Variants in SSH1 observed in about 807,000 individuals in gnomAD.
SSH1 encodes slingshot protein phosphatase 1.
Under a neutral mutation model 79.7 loss-of-function variants are expected in SSH1, and 43 were observed. That is an observed-to-expected ratio of 0.54 (90% CI 0.42 to 0.70). The LOEUF (loss-of-function observed/expected upper bound fraction) is 0.70, where lower values mean the gene tolerates loss of function less well. Among genes scored for constraint, SSH1 ranks in the 30% least tolerant of loss-of-function variants. The pLI is 0.00. For synonymous variants in SSH1, 599 were observed against 538.3 expected (o/e 1.11, Z -1.56); for missense variants, 1,206 against 1,358.8 (o/e 0.89, Z 1.77).
At position 108,800,833 on chromosome 12, in the gene SSH1, G is replaced by A. The variant is rs201438743; in HGVS notation, c.1095C>T (p.Thr365=). ...YHNIRVYDEE[T]TDLLAHWNEA... ...CATTCCAGTGGGCGAGGAGGTCTGT[G>A]GTCTCTTCATCGTAGACTCGGATGT... The change falls in exon 12 of 15, where the codon ACC becomes ACT. Residue 365 remains threonine (T), a synonymous_variant. Transcript: ENST00000326495. The A allele has an allele frequency of 6.6e-5, 106 of 1,614,134 alleles. No individual in the cohort carries two copies. The highest frequency in any genetic ancestry group is 8.6e-5 in the Non-Finnish European group (101 of 1,180,016).
intron 1 of SSH1, chr12:108,853,032 A>C (rs1229152830): frequency 9.6e-5 from 95 of 985,164 alleles, no homozygotes; most frequent in Non-Finnish European, 1.1e-4. Flanking sequence ...TTTCTCTTTT[A>C]AGGGGAGGGG....
Position 108,823,354 on chromosome 12 carries a change from C to A in SSH1, c.118G>T (p.Glu40Ter). The A allele has an allele frequency of 1.3e-6, 2 of 1,567,818 alleles. No individual in the cohort carries two copies. The highest frequency in any genetic ancestry group is 2.3e-5 in the East Asian group (1 of 43,388). ...EDRKLNLSLS[E>*]SFFMVKGAAL... is the part of the protein sequence containing the mutation. ...GCGCCTTTCACCATGAAAAAGCTCT[C>A]ACTTAAGCTGGGAAGGATAAGACCA... The change falls in exon 3 of 15, where the codon GAG becomes TAG. Residue 40 changes from glutamate to a stop codon, truncating the protein, a stop_gained. Coordinates refer to ENST00000326495, the MANE Select transcript of SSH1 (RefSeq NM_018984.4). LOFTEE classifies it high-confidence loss of function.
Position 108,787,788 on chromosome 12 carries a change from A to T in SSH1, c.*200T>A. 1.5e-6 allele frequency: 1 copy of T among 688,248 alleles called. No homozygotes were observed. The highest frequency in any genetic ancestry group is 2.4e-6 in the Non-Finnish European group (1 of 417,308). 42.6% of individuals were successfully genotyped at this position (688,248 alleles called of 1,614,324 possible). ...GCGGCTCCTGGTTCTCCCAGGCCAC[A>T]CGACTGACAGCTCCCCTTCTTGTGC... On this transcript the variant is annotated 3_prime_UTR_variant, in exon 15 of 15. Coordinates refer to ENST00000326495, the MANE Select transcript of SSH1 (RefSeq NM_018984.4).
intron 2 of SSH1, among the ~76,000 whole-genome samples, chr12:108,830,332 G>A (rs1245198280): frequency 6.6e-6 from 1 of 152,090 alleles, no homozygotes; most frequent in Non-Finnish European, 1.5e-5. Context: ...CACACTTGTA[G>A]TCCCAGCTTC....
chr12:108,817,056 T>C lies in SSH1; in HGVS notation c.383A>G (p.Asp128Gly). 1 of 1,614,090 alleles carries C rather than the reference T, an allele frequency of 6.2e-7. No individual in the cohort carries two copies. The highest frequency in any genetic ancestry group is 8.5e-7 in the Non-Finnish European group (1 of 1,179,958). ...DTEENILLGV[D>G]FSSKESKSCT... is the part of the protein sequence containing the mutation. The stretch of plus-strand genomic sequence containing the variant: ...GACTCACCTTTCCTTACTGGAAAAG[T>C]CCACTCCCAGCAAGATATTCTCCTC... Residue 128 changes from aspartate (D) to glycine (G), a missense_variant, in exon 5 of 15, where the codon GAC becomes GGC. Asp to Gly is a moderately conservative substitution (Grantham distance 94). This residue lies in a region of SSH1 where 115 missense variants were observed against 173.9 expected (regional missense o/e 0.66). Coordinates refer to ENST00000326495, the MANE Select transcript of SSH1 (RefSeq NM_018984.4).
chr12:108,848,152 A>C (rs1249001936), intron 2 of SSH1, among the ~76,000 whole-genome samples: 1 of 152,166 alleles, frequency 6.6e-6, no homozygotes, highest in Non-Finnish European at 1.5e-5. Context: ...TCAAGGGACC[A>C]GGGGGTGATA....
intron 2 of SSH1, among the ~76,000 whole-genome samples, chr12:108,830,110 C>T (rs1403871895): frequency 6.6e-6 from 1 of 151,796 alleles, no homozygotes; most frequent in Non-Finnish European, 1.5e-5. Context: ...CCAGAAAGTT[C>T]CAGGGGGTGC....
Position 108,857,360 on chromosome 12 carries a change from C to A in SSH1, c.69+68G>T, listed in dbSNP as rs2039165470. ...CCGCCCCCCTGCCCCGCACGCGCGG[C>A]CCCAGCTCCGGCGGCCTCGGCGCGG... is the stretch of plus-strand genomic sequence containing the variant. On this transcript the variant is annotated intron_variant, in intron 1 of 14. Transcript: ENST00000326495. This position sits in a 1 kb window ranked among gnomAD's most constrained non-coding sequence, Gnocchi z 4.7. 2 of 923,256 alleles carry A rather than the reference C, an allele frequency of 2.2e-6. No homozygotes were observed. Among genetic ancestry groups the A allele is most frequent in the Middle Eastern group, 1.1e-3 (2 of 1,826 alleles). 57.2% of individuals were successfully genotyped at this position (923,256 alleles called of 1,614,324 possible). A position where few individuals can be genotyped will look rare whatever the true frequency, so the allele number is the denominator to read the frequency against.
chr12:108,853,982 A>AAGT (rs1231020680), intron 1 of SSH1, among the ~76,000 whole-genome samples: 1 of 152,064 alleles, frequency 6.6e-6, no homozygotes, highest in African/African-American at 2.4e-5. Context: ...TATTAAGATG[A>AAGT]AGTACATACA....
intron 1 of SSH1, among the ~76,000 whole-genome samples, chr12:108,856,682 TCA>T (rs1167328309): frequency 6.6e-6 from 1 of 151,994 alleles, no homozygotes; most frequent in East Asian, 1.9e-4. Flanking sequence ...GGAAACAATC[TCA>T]CACGTTTGTA....
In SSH1 at chr12:108,789,018, C is replaced by T. The variant is rs918704007; in HGVS notation, c.2120G>A (p.Gly707Asp). The change falls in exon 15 of 15, where the codon GGC (glycine) becomes GAC (aspartate). Residue 707 changes from glycine (G) to aspartate (D), a missense_variant. Transcript: ENST00000326495. ...RSRVPEKPASGPTEPPPFLPP... is the reference protein window; with the variant it reads ...RSRVPEKPASDPTEPPPFLPP... ...TAGGAACGGGGGAGGTTCGGTTGGGCCAGAGGCTGGCTTCTCCGGAACACG... is the reference window on the plus strand; with the variant it reads ...TAGGAACGGGGGAGGTTCGGTTGGGTCAGAGGCTGGCTTCTCCGGAACACG... The T allele has an allele frequency of 6.2e-7, 1 of 1,608,642 alleles. No homozygotes were observed. Among genetic ancestry groups the T allele is most frequent in the Non-Finnish European group, 8.5e-7 (1 of 1,176,514 alleles).
Position 108,790,564 on chromosome 12 carries a change from G to A in SSH1, c.1894-1320C>T, listed in dbSNP as rs1013926237. 6.6e-5 allele frequency among the ~76,000 whole-genome samples: 10 copies of A among 152,162 alleles called. No homozygotes were observed. In the East Asian group the frequency reaches 7.7e-4, roughly 12 times the overall value. Reference sequence around the variant, plus strand: ...CTCCAAAAGTGCTGGGATTATAAGCGTGAGCCACTGCACCTGGCCCAGGGT... The same window carrying A: ...CTCCAAAAGTGCTGGGATTATAAGCATGAGCCACTGCACCTGGCCCAGGGT... On this transcript the variant is annotated intron_variant, in intron 14 of 14. Transcript: ENST00000326495.
At chr12:108,800,257 A>G (rs2036932171) in intron 12 of SSH1, among the ~76,000 whole-genome samples, 1 of 152,086 alleles carries the variant, frequency 6.6e-6, no homozygotes, top group Admixed American at 6.5e-5. Context: ...TGACGGGCTC[A>G]GGGGCAGTGG....
intron 1 of SSH1, 124 bp from the exon 2 acceptor site, chr12:108,852,802 T>C (rs2039070837): frequency 6.3e-7 from 1 of 1,582,458 alleles, no homozygotes; most frequent in African/African-American, 1.3e-5. Context: ...CCTAGCTACT[T>C]CTAAACAGCC....
In SSH1 at chr12:108,845,028, C is replaced by T. The variant is rs1314115110; in HGVS notation, c.110+7610G>A. ...ACAGGACAAAAATTTGCAGGGTACA[C>T]CTACAGTCCCAGCTACTCGGGAGGC... On this transcript the variant is annotated intron_variant, in intron 2 of 14. Transcript: ENST00000326495. Among the ~76,000 whole-genome samples, 3 of 150,772 alleles carry T rather than the reference C, an allele frequency of 2.0e-5. No homozygotes were observed. In the South Asian group the frequency reaches 6.4e-4, roughly 32 times the overall value.
At chr12:108,824,757 CA>C (rs562290650) in intron 2 of SSH1, among the ~76,000 whole-genome samples, 3 of 152,166 alleles carry the variant, frequency 2.0e-5, no homozygotes, top group African/African-American at 7.2e-5. Flanking sequence ...CGTCGTACAT[CA>C]AAAGTTTTTA....
At chr12:108,814,946 T>C (rs961808378) in intron 5 of SSH1, among the ~76,000 whole-genome samples, 5 of 152,214 alleles carry the variant, frequency 3.3e-5, no homozygotes, top group African/African-American at 1.2e-4. Flanking sequence ...ATCTAAGGCA[T>C]GCCCGTGACT....
At chr12:108,835,990 T>TTA (rs1555238928) in intron 2 of SSH1, among the ~76,000 whole-genome samples, 5 of 22,412 alleles carry the variant, frequency 2.2e-4, no homozygotes, top group Admixed American at 1.1e-3. Flanking sequence ...CGATTATAAC[T>TTA]ATATTAATAT....
At chr12:108,838,912 T>C (rs898525514) in intron 2 of SSH1, among the ~76,000 whole-genome samples, 1 of 152,246 alleles carries the variant, frequency 6.6e-6, no homozygotes, top group Non-Finnish European at 1.5e-5. Context: ...CTATGTCATG[T>C]ATTACATGTA....
Sources: allele counts gnomAD v4.1 joint callset (sites outside exome capture counted in the v4.1 genomes callset), GRCh38; gene constraint gnomAD v4.1.1; regional missense constraint gnomAD v4.1.1; non-coding constraint Gnocchi (gnomAD v3.1); transcripts MANE v1.5; gene names NCBI Gene and HGNC (gene_info 2026-07-23, HGNC 2026-07-21).